Variants in ANKRD11 observed in about 807,000 individuals in gnomAD.
ANKRD11 encodes the protein ankyrin repeat domain 11, also known as ankyrin repeat domain-containing protein 11.
A neutral mutation model predicts 195.7 loss-of-function variants in ANKRD11; 17 were observed. The observed-to-expected ratio is 0.09, with a 90% CI of 0.06 to 0.13. The LOEUF is 0.13. ANKRD11 is among the 10% of genes least tolerant of loss of function. The probability of loss-of-function intolerance (pLI) is 1.00; values close to 1 mark genes in which losing one functional copy is unlikely to be tolerated. For synonymous variants in ANKRD11, 1,953 were observed against 1,528.1 expected, an observed-to-expected ratio of 1.28 and a Z score of -6.49; for missense variants, 3,735 against 3,566.1, an observed-to-expected ratio of 1.05 and a Z score of -1.21.
intron 1 of ANKRD11, among the ~76,000 whole-genome samples, chr16:89,466,232 T>C (rs541962130): frequency 5.8e-4 from 88 of 151,004 alleles, no homozygotes; most frequent in Non-Finnish European, 9.3e-4. Context: ...GAAGAAGAAA[T>C]GATGATCTTA....
Position 89,280,146 on chromosome 16 carries a change from G to A in ANKRD11, c.6396C>T (p.Asp2132=), listed in dbSNP as rs746753076. The change falls in exon 9 of 13, where the codon GAC becomes GAT. Residue 2132 remains aspartate, a synonymous_variant. Transcript: ENST00000301030. ...DAFAGPEDDL[D]LGPFSLPELP... ...GCTCCGGCAGGGAGAAGGGCCCCAGGTCCAGGTCGTCCTCGGGGCCGGCGA... is the reference window on the plus strand; with the variant it reads ...GCTCCGGCAGGGAGAAGGGCCCCAGATCCAGGTCGTCCTCGGGGCCGGCGA... 3.2e-5 allele frequency: 51 copies of A among 1,610,776 alleles called. No individual in the cohort carries two copies. Among genetic ancestry groups the A allele is most frequent in the East Asian group, 4.5e-5 (2 of 44,770 alleles).
At chr16:89,335,326 T>C (rs1388433638) in intron 2 of ANKRD11, among the ~76,000 whole-genome samples, 2 of 152,114 alleles carry the variant, frequency 1.3e-5, no homozygotes, top group African/African-American at 4.8e-5. Flanking sequence ...AGGGCTCCAG[T>C]TCCTTCCAGC....
intron 11 of ANKRD11, chr16:89,272,346 A>G (rs1304373272): frequency 6.6e-6 from 1 of 152,302 alleles, no homozygotes; most frequent in Admixed American, 6.5e-5. Context: ...GTTTCCTCAA[A>G]AAACTAAAAA....
intron 2 of ANKRD11, among the ~76,000 whole-genome samples, chr16:89,360,184 T>C (rs939465196): frequency 3.9e-5 from 6 of 152,244 alleles, no homozygotes; most frequent in African/African-American, 1.4e-4. Flanking sequence ...TGAGTTAGTT[T>C]GCTGAGGCTA....
chr16:89,390,977 A>G (rs936202542), intron 2 of ANKRD11, among the ~76,000 whole-genome samples: 1 of 152,168 alleles, frequency 6.6e-6, no homozygotes, highest in Non-Finnish European at 1.5e-5. Flanking sequence ...GCCTGTAATC[A>G]CAGCATTTTG....
chr16:89,392,600 C>T (rs1366581538), intron 2 of ANKRD11: 2 of 151,896 alleles, frequency 1.3e-5, no homozygotes, highest in East Asian at 1.9e-4. Context: ...TTGAAGCAGA[C>T]CTGTCTTGGT....
At chr16:89,386,937 G>C (rs2040938463) in intron 2 of ANKRD11, among the ~76,000 whole-genome samples, 1 of 152,088 alleles carries the variant, frequency 6.6e-6, no homozygotes, top group African/African-American at 2.4e-5. Context: ...ACCGAGTCAA[G>C]GGCATGAAGG....
intron 2 of ANKRD11, among the ~76,000 whole-genome samples, chr16:89,398,949 C>A (rs1341164719): frequency 6.6e-6 from 1 of 152,114 alleles, no homozygotes; most frequent in East Asian, 1.9e-4. Context: ...CTCAAAGACC[C>A]CAGACAGACT....
chr16:89,414,352 A>G (rs2911258), intron 2 of ANKRD11, among the ~76,000 whole-genome samples: 87,830 of 151,884 alleles, frequency 0.58, 25,600 homozygotes, highest in Middle Eastern at 0.73. Flanking sequence ...CACATGTTGC[A>G]AGGGTCAGCA....
intron 2 of ANKRD11, among the ~76,000 whole-genome samples, chr16:89,391,797 CT>C (rs1290820039): frequency 1.3e-5 from 2 of 152,228 alleles, no homozygotes; most frequent in Non-Finnish European, 2.9e-5. Flanking sequence ...ATAGTAACTT[CT>C]CTTAAAAGCA....
At chr16:89,459,544 T>TTG (rs1158254571) in intron 1 of ANKRD11, 3 of 152,218 alleles carry the variant, frequency 2.0e-5, no homozygotes, top group African/African-American at 7.2e-5. Context: ...TGGACCAAAT[T>TTG]TCAAAACAAC....
chr16:89,349,856 G>T (rs2039122848), intron 2 of ANKRD11, among the ~76,000 whole-genome samples: 2 of 130,444 alleles, frequency 1.5e-5, no homozygotes, highest in East Asian at 2.3e-4. Context: ...CCAAATACTT[G>T]TTAAAACACA....
Position 89,284,746 on chromosome 16 carries a change from C to T in ANKRD11, c.1796G>A (p.Arg599Lys), listed in dbSNP as rs1305076348. 11 of 1,613,636 alleles carry T rather than the reference C, an allele frequency of 6.8e-6. No homozygotes were observed. The East Asian group carries it at 2.2e-4, about 33-fold the overall frequency. Reference sequence around the variant, plus strand: ...CTTCTCCGACAGGGAGGCTCGCTTCCTGTGCTCCTGCCTCTTCCTCACTGG... The same window carrying T: ...CTTCTCCGACAGGGAGGCTCGCTTCTTGTGCTCCTGCCTCTTCCTCACTGG... Reference protein sequence around the residue: ...LKPVRKRQEHRKRASLSEKKS... With the variant: ...LKPVRKRQEHKKRASLSEKKS... Residue 599 changes from arginine (R) to lysine (K), a missense_variant, in exon 9 of 13, where the codon AGG (arginine) becomes AAG (lysine). Transcript: ENST00000301030.
intron 2 of ANKRD11, among the ~76,000 whole-genome samples, chr16:89,396,374 C>T (rs1055794741): frequency 9.9e-5 from 15 of 152,148 alleles, no homozygotes; most frequent in African/African-American, 3.1e-4. Context: ...GCGACGGAGC[C>T]GCACTCGCCG....
chr16:89,484,203 C>A (rs1567868637), intron 1 of ANKRD11, among the ~76,000 whole-genome samples: 1 of 152,182 alleles, frequency 6.6e-6, no homozygotes, highest in Non-Finnish European at 1.5e-5. Context: ...AAGAGTGGTG[C>A]TCTGGGGTTT....
chr16:89,439,929 A>C (rs2043373876), intron 1 of ANKRD11, among the ~76,000 whole-genome samples: 1 of 152,202 alleles, frequency 6.6e-6, no homozygotes, highest in Admixed American at 6.5e-5. Context: ...GCTCTACTGC[A>C]CACACCCACA....
At chr16:89,450,935 C>CTGGCTCACCACCCAGCTAAGAGT (rs1411368735) in intron 1 of ANKRD11, among the ~76,000 whole-genome samples, 1 of 152,250 alleles carries the variant, frequency 6.6e-6, no homozygotes, top group African/African-American at 2.4e-5. Context: ...GGAAGACCAG[C>CTGGCTCACCACCCAGCTAAGAGT]TGGCTCACCA....
chr16:89,381,327 G>A (rs1202825642), intron 2 of ANKRD11, among the ~76,000 whole-genome samples: 5 of 89,486 alleles, frequency 5.6e-5, no homozygotes, highest in African/African-American at 1.6e-4. Flanking sequence ...GCGAGACTCT[G>A]CTGCAAAAAA....
chr16:89,333,298 C>G (rs2038162804), intron 2 of ANKRD11, among the ~76,000 whole-genome samples: 1 of 152,190 alleles, frequency 6.6e-6, no homozygotes, highest in Non-Finnish European at 1.5e-5. Context: ...CAGAGGGTTC[C>G]CCTGCACCCC....
Sources: gnomAD v4.1 joint callset for allele counts (sites outside exome capture counted in the v4.1 genomes callset) on GRCh38, gnomAD v4.1.1 for gene constraint, MANE v1.5 for transcripts, NCBI Gene and HGNC (gene_info 2026-07-23, HGNC 2026-07-21) for gene names.